ARHGEF28: variants seen among roughly 807,000 people sequenced by gnomAD.
The protein encoded by ARHGEF28 is Rho guanine nucleotide exchange factor 28.
A neutral mutation model predicts 206.6 loss-of-function variants in ARHGEF28; 152 were observed. The ratio of observed to expected loss-of-function variants is 0.74; its 90% CI spans 0.64 to 0.84. The LOEUF (loss-of-function observed/expected upper bound fraction) is 0.84. Ranked by LOEUF, ARHGEF28 falls within the 40% of genes least tolerant of loss-of-function variation. ARHGEF28 has a pLI of 0.00. For synonymous variants in ARHGEF28, 763 were observed against 776.4 expected, an observed-to-expected ratio of 0.98 and a Z score of 0.29; for missense variants, 2,028 against 2,073.2, an observed-to-expected ratio of 0.98 and a Z score of 0.42.
At chr5:73,819,780 C>T (rs1756456597) in intron 9 of ARHGEF28, among the ~76,000 whole-genome samples, 1 of 152,184 alleles carries the variant, frequency 6.6e-6, no homozygotes. Flanking sequence ...CCCTCCCTCC[C>T]TCTTTTATTT....
intron 1 of ARHGEF28, among the ~76,000 whole-genome samples, chr5:73,633,957 A>G (rs1230695601): frequency 6.6e-6 from 1 of 152,132 alleles, no homozygotes; most frequent in Non-Finnish European, 1.5e-5. Flanking sequence ...GTATGTTGCT[A>G]TGGAGCCATA....
At position 73,885,878 on chromosome 5, in the gene ARHGEF28, C is replaced by T. The variant is rs768830637; in HGVS notation, c.3084C>T (p.Arg1028=). The change falls in exon 25 of 36, where the codon CGC becomes CGT. Residue 1028 remains arginine, a synonymous_variant. Coordinates refer to ENST00000513042, the MANE Select transcript of ARHGEF28 (RefSeq NM_001177693.2). ...KERTEEHKDL[R]KALCLIKDMI... ...GAACTGAGGAACATAAAGACTTACG[C>T]AAAGCGCTTTGCTTAATTAAAGACA... The T allele has an allele frequency of 2.5e-6, 4 of 1,612,860 alleles. No homozygotes were observed. In the South Asian group the frequency reaches 3.3e-5, roughly 13 times the overall value.
intron 35 of ARHGEF28, among the ~76,000 whole-genome samples, chr5:73,939,576 A>G (rs1310802496): frequency 6.6e-6 from 1 of 152,176 alleles, no homozygotes; most frequent in Non-Finnish European, 1.5e-5. Flanking sequence ...AGGGACCTTC[A>G]TCGGCTCCTG....
chr5:73,639,987 G>T (rs2112136358), intron 1 of ARHGEF28, among the ~76,000 whole-genome samples: 1 of 152,302 alleles, frequency 6.6e-6, no homozygotes, highest in Admixed American at 6.5e-5. Context: ...TAACGCAGAT[G>T]AATGTCTAAA....
At chr5:73,884,662 A>G (rs1761148893) in intron 24 of ARHGEF28, among the ~76,000 whole-genome samples, 1 of 152,192 alleles carries the variant, frequency 6.6e-6, no homozygotes, top group Non-Finnish European at 1.5e-5. Context: ...CCACTCATTC[A>G]TTGGGCAAAT....
intron 2 of ARHGEF28, among the ~76,000 whole-genome samples, chr5:73,717,144 CG>C (rs1749633341): frequency 6.6e-6 from 1 of 152,058 alleles, no homozygotes; most frequent in Non-Finnish European, 1.5e-5. Flanking sequence ...TAACAGAATG[CG>C]ACTCCATAAT....
chr5:73,762,470 A>AC (rs1443404630), intron 4 of ARHGEF28, among the ~76,000 whole-genome samples: 3 of 151,370 alleles, frequency 2.0e-5, no homozygotes, highest in Non-Finnish European at 4.4e-5. Context: ...AAAAAAAAAA[A>AC]AAAAACAAAA....
chr5:73,781,378 A>G (rs1487201769), intron 7 of ARHGEF28, among the ~76,000 whole-genome samples: 2 of 151,954 alleles, frequency 1.3e-5, no homozygotes, highest in African/African-American at 2.4e-5. Flanking sequence ...CATTGTTCCT[A>G]CTCTATTCCA....
chr5:73,864,743 G>A, intron 16 of ARHGEF28, 74 bp from the exon 17 acceptor site: 1 of 1,286,480 alleles, frequency 7.8e-7, no homozygotes, highest in South Asian at 1.4e-5. Context: ...ACCAGTGAAA[G>A]CATGATGTAG....
intron 22 of ARHGEF28, among the ~76,000 whole-genome samples, chr5:73,874,027 C>A (rs1760277216): frequency 6.6e-6 from 1 of 152,184 alleles, no homozygotes; most frequent in Non-Finnish European, 1.5e-5. Flanking sequence ...ACATCCTCAC[C>A]AGCATCTGAT....
chr5:73,818,534 A>C (rs1264004760), intron 9 of ARHGEF28, among the ~76,000 whole-genome samples: 1 of 152,166 alleles, frequency 6.6e-6, no homozygotes, highest in African/African-American at 2.4e-5. Context: ...TTATTAAGGA[A>C]GGGAAACATT....
intron 9 of ARHGEF28, among the ~76,000 whole-genome samples, chr5:73,830,362 G>A (rs955862248): frequency 3.3e-5 from 5 of 151,914 alleles, no homozygotes; most frequent in Non-Finnish European, 5.9e-5. Flanking sequence ...GACCATCCTG[G>A]CTAACACGGT....
intron 2 of ARHGEF28, among the ~76,000 whole-genome samples, chr5:73,728,834 G>T (rs777276167): frequency 6.6e-6 from 1 of 152,218 alleles, no homozygotes; most frequent in African/African-American, 2.4e-5. Flanking sequence ...GTGCAGGATA[G>T]TTGACCATAG....
At position 73,911,380 on chromosome 5, in the gene ARHGEF28, T is replaced by C. The variant is rs750823570; in HGVS notation, c.4753T>C (p.Ser1585Pro). The change falls in exon 35 of 36, where the codon TCA (serine) becomes CCA (proline). Residue 1585 changes from serine to proline, a missense_variant. Physicochemically the swap from Ser to Pro is moderately conservative, Grantham distance 74 (BLOSUM62 -1). Around this residue, in one of 3 missense-constraint regions of ARHGEF28, gnomAD observed 803 missense variants for 768.0 expected, o/e 1.05. Coordinates refer to ENST00000513042, the MANE Select transcript of ARHGEF28 (RefSeq NM_001177693.2). Reference protein sequence around the residue: ...SFNTFNKLNPSVIHQDATYPT... With the variant: ...SFNTFNKLNPPVIHQDATYPT... ...TAACACTTTCAACAAACTGAATCCA[T>C]CAGTTATCCATCAGGATGCCACTTA... The C allele has an allele frequency of 6.2e-7, 1 of 1,613,954 alleles. No individual in the cohort carries two copies. The highest frequency in any genetic ancestry group is 8.5e-7 in the Non-Finnish European group (1 of 1,179,868).
intron 1 of ARHGEF28, among the ~76,000 whole-genome samples, chr5:73,668,482 A>G (rs560679553): frequency 6.6e-6 from 1 of 152,294 alleles, no homozygotes; most frequent in Admixed American, 6.5e-5. Context: ...CACTCTCATG[A>G]TAACAAAATC....
rs570637149 is a variant in ARHGEF28 at position 73,888,738 on chromosome 5, G to A, written c.3387+1059G>A. 3.1e-3 allele frequency among the ~76,000 whole-genome samples: 468 copies of A among 152,204 alleles called. 5 individuals are homozygous for A. The highest frequency in any genetic ancestry group is 2.9e-3 in the African/African-American group (120 of 41,530). On this transcript the variant is annotated intron_variant, in intron 26 of 35. Coordinates refer to ENST00000513042, the MANE Select transcript of ARHGEF28 (RefSeq NM_001177693.2). ...TCCTGTAATGCTCAACTTAGAGCGC[G>A]CCTGGAAATATGATTCTTTCCCTCT...
Position 73,681,624 on chromosome 5 carries a change from G to T in ARHGEF28, c.-11-3217G>T, listed in dbSNP as rs1310674085. 4.0e-5 allele frequency among the ~76,000 whole-genome samples: 6 copies of T among 151,866 alleles called. No individual in the cohort carries two copies. In the East Asian group the frequency reaches 1.2e-3, roughly 30 times the overall value. ...GAGGTCAGGAGTTGGAGACAATCCTGGCCAACATAGTGAACCTTGTCTCTC... is the reference window on the plus strand; with the variant it reads ...GAGGTCAGGAGTTGGAGACAATCCTTGCCAACATAGTGAACCTTGTCTCTC... On this transcript the variant is annotated intron_variant, in intron 1 of 35. Transcript: ENST00000513042.
intron 35 of ARHGEF28, among the ~76,000 whole-genome samples, chr5:73,920,807 A>G (rs1262681718): frequency 1.3e-5 from 2 of 152,200 alleles, no homozygotes; most frequent in Non-Finnish European, 1.5e-5. Context: ...TGAGAACTTA[A>G]AAAGTTAAAA....
At chr5:73,773,718 G>GT (rs779944727) in intron 4 of ARHGEF28, 137 bp from the exon 5 acceptor site, 113 of 923,708 alleles carry the variant, frequency 1.2e-4, no homozygotes, top group Non-Finnish European at 1.6e-4. Flanking sequence ...ATGAGATACA[G>GT]TGATTGGGTG....
Sources: gnomAD v4.1 joint callset for allele counts (sites outside exome capture counted in the v4.1 genomes callset) on GRCh38, gnomAD v4.1.1 for gene constraint, gnomAD v4.1.1 regional missense constraint, MANE v1.5 for transcripts, NCBI Gene and HGNC (gene_info 2026-07-23, HGNC 2026-07-21) for gene names.